The following TTC34 variants were observed in gnomAD, a reference collection of about 807,000 sequenced individuals.
TTC34 encodes the protein tetratricopeptide repeat protein 34.
TTC34 carries 44 observed loss-of-function variants against 40.7 expected under a neutral mutation model. That is an observed-to-expected ratio of 1.08 (90% CI 0.85 to 1.39). The LOEUF (loss-of-function observed/expected upper bound fraction) is 1.39, where lower values mean the gene tolerates loss of function less well. Ranked by LOEUF, TTC34 falls within the 40% of genes most tolerant of loss-of-function variation. The probability of loss-of-function intolerance (pLI) is 0.00; values close to 1 mark genes in which losing one functional copy is unlikely to be tolerated. For synonymous variants in TTC34, 422 were observed against 398.6 expected (o/e 1.06, Z -0.70); for missense variants, 884 against 838.0 (o/e 1.05, Z -0.68).
chr1:2,686,675 C>G (rs796453422), intron 6 of TTC34, among the ~76,000 whole-genome samples: 3 of 53,956 alleles, frequency 5.6e-5, no homozygotes, highest in African/African-American at 1.3e-4. Flanking sequence ...TGGAACAGCA[C>G]CCTGCACCCC....
In TTC34 at chr1:2,751,482, C is replaced by T. The variant is rs1229121351; in HGVS notation, c.2226+32127G>A. Among the ~76,000 whole-genome samples the T allele has an allele frequency of 5.7e-5, 6 of 105,174 alleles. 2 individuals carry two copies. Among genetic ancestry groups the T allele is most frequent in the Non-Finnish European group, 5.5e-5 (3 of 54,696 alleles). 69.0% of individuals were successfully genotyped at this position (105,174 alleles called of 152,430 possible). On this transcript the variant is annotated intron_variant, in intron 6 of 8. Coordinates refer to ENST00000401095, the Ensembl canonical transcript of TTC34. ...GCATCTGACAGACTGGAACTGCACC[C>T]CCATGCCCAGGTGAGCCTCTGACAG... is the stretch of plus-strand genomic sequence containing the variant.
At chr1:2,637,582 C>G (rs2100981079) in exon 9 of TTC34, 1 of 152,314 alleles carries the variant, frequency 6.6e-6, no homozygotes, top group South Asian at 2.1e-4. Flanking sequence ...GGCTGTGAGG[C>G]ACCAGCAGAA....
intron 3 of TTC34, 93 bp from the exon 4 acceptor site, chr1:2,787,799 T>G: frequency 8.9e-7 from 1 of 1,120,732 alleles, no homozygotes; most frequent in Non-Finnish European, 1.3e-6. Flanking sequence ...CGTCTCCATG[T>G]ACCTGGCCTG....
chr1:2,673,065 G>A (rs1639758024), intron 6 of TTC34, among the ~76,000 whole-genome samples: 2 of 31,312 alleles, frequency 6.4e-5, no homozygotes, highest in Non-Finnish European at 6.9e-5. Flanking sequence ...GCCTGGAACA[G>A]CACCCTGCAC....
chr1:2,750,788 T>C (rs1475922603), intron 6 of TTC34, among the ~76,000 whole-genome samples: 23 of 36,886 alleles, frequency 6.2e-4, no homozygotes, highest in Admixed American at 1.4e-3. Context: ...CATCGGAGAG[T>C]CTGGAGCAGC....
intron 6 of TTC34, among the ~76,000 whole-genome samples, chr1:2,756,105 C>G (rs1444442095): frequency 1.4e-4 from 10 of 70,600 alleles, no homozygotes; most frequent in African/African-American, 1.1e-3. Context: ...GCACCCTGCA[C>G]CCCCAGGAGA....
In TTC34 at chr1:2,637,485, C is replaced by G. The variant is rs531369017; in HGVS notation, c.*3883G>C. On this transcript the variant is annotated 3_prime_UTR_variant, in exon 9 of 9. Coordinates refer to ENST00000401095, the Ensembl canonical transcript of TTC34. Reference sequence around the variant, plus strand: ...TTGTTGCTTGGGCTGGGCTGCAGGCCGATCTCCTGGCCAGTGGGAAGGGGA... The same window carrying G: ...TTGTTGCTTGGGCTGGGCTGCAGGCGGATCTCCTGGCCAGTGGGAAGGGGA... 2 of 152,282 alleles carry G rather than the reference C, an allele frequency of 1.3e-5. 1 individual carries two copies. Among genetic ancestry groups the G allele is most frequent in the South Asian group, 4.1e-4 (2 of 4,836 alleles). 9.4% of individuals were successfully genotyped at this position (152,282 alleles called of 1,614,324 possible).
chr1:2,691,322 G>A (rs111314990), intron 6 of TTC34, among the ~76,000 whole-genome samples: 9 of 76,332 alleles, frequency 1.2e-4, no homozygotes, highest in East Asian at 7.0e-4. Context: ...GCATCCGACA[G>A]CCTGGAGCAG....
intron 6 of TTC34, among the ~76,000 whole-genome samples, chr1:2,759,626 A>ACAGCACCGACACCCCCAGGCCTGGAT (rs1641625508): frequency 1.5e-5 from 2 of 129,362 alleles, no homozygotes; most frequent in African/African-American, 3.0e-5. Flanking sequence ...CCAGCCTGGA[A>ACAGCACCGACACCCCCAGGCCTGGAT]CAGCACCCAC....
intron 6 of TTC34, among the ~76,000 whole-genome samples, chr1:2,686,300 C>G (rs528809298): frequency 3.2e-5 from 3 of 92,916 alleles, no homozygotes; most frequent in East Asian, 6.8e-4. Flanking sequence ...AGCATCTGAA[C>G]GCACGGAGCA....
At chr1:2,767,402 C>A (rs1641800674) in intron 6 of TTC34, among the ~76,000 whole-genome samples, 5 of 140,376 alleles carry the variant, frequency 3.6e-5, no homozygotes, top group Middle Eastern at 4.3e-3. Flanking sequence ...GCACCCACAC[C>A]CCCAGGTGAG....
chr1:2,781,794 C>A (rs976632339), intron 6 of TTC34, among the ~76,000 whole-genome samples: 2 of 152,110 alleles, frequency 1.3e-5, no homozygotes, highest in Non-Finnish European at 2.9e-5. Flanking sequence ...CCCTTTCATT[C>A]TGTTAATGTG....
exon 9 of TTC34, chr1:2,638,952 A>G (rs114623176): frequency 0.018 from 2,737 of 152,448 alleles, 47 homozygotes; most frequent in Non-Finnish European, 0.025. Flanking sequence ...CTGGAAGCCC[A>G]AGATGAAGGT....
At chr1:2,752,328 C>A (rs1641348097) in intron 6 of TTC34, among the ~76,000 whole-genome samples, 1 of 125,032 alleles carries the variant, frequency 8.0e-6, no homozygotes, top group Non-Finnish European at 1.6e-5. Flanking sequence ...ACAGCACGCA[C>A]ACCCCCAGGT....
chr1:2,657,418 T>A (rs1279543745), intron 6 of TTC34, among the ~76,000 whole-genome samples: 3 of 64,798 alleles, frequency 4.6e-5, no homozygotes, highest in East Asian at 3.6e-4. Context: ...GCAGTACCAG[T>A]ACCCCCAGGC....
intron 6 of TTC34, among the ~76,000 whole-genome samples, chr1:2,751,619 C>T (rs1160274100): frequency 7.8e-5 from 9 of 115,530 alleles, no homozygotes; most frequent in African/African-American, 2.7e-4. Context: ...CCCAGGCGAG[C>T]ATCTGACGGC....
intron 6 of TTC34, among the ~76,000 whole-genome samples, chr1:2,686,364 C>G (rs796980498): frequency 7.6e-5 from 11 of 144,008 alleles, no homozygotes; most frequent in Admixed American, 2.1e-4. Flanking sequence ...CCCACACCCC[C>G]AGGTGCGCAT....
intron 6 of TTC34, among the ~76,000 whole-genome samples, chr1:2,749,040 AC>A (rs1438035761): frequency 2.7e-3 from 365 of 133,314 alleles, no homozygotes; most frequent in Non-Finnish European, 3.4e-3. Context: ...CAGCACCCAC[AC>A]CCCCAGGTGA....
At chr1:2,748,827 G>T (rs1328845229) in intron 6 of TTC34, among the ~76,000 whole-genome samples, 1 of 112,286 alleles carries the variant, frequency 8.9e-6, no homozygotes, top group Non-Finnish European at 1.7e-5. Context: ...GACAGCCTCG[G>T]TCGGCACCCA....
Sources: gnomAD v4.1 joint callset for allele counts (sites outside exome capture counted in the v4.1 genomes callset) on GRCh38, gnomAD v4.1.1 for gene constraint, MANE v1.5 for transcripts, NCBI Gene and HGNC (gene_info 2026-07-23, HGNC 2026-07-21) for gene names.